KCNQ5: variants seen among roughly 807,000 people sequenced by gnomAD.
KCNQ5 encodes the protein potassium voltage-gated channel subfamily Q member 5, also known as potassium voltage-gated channel subfamily KQT member 5.
KCNQ5 carries 30 observed loss-of-function variants against 98.2 expected under a neutral mutation model. The observed-to-expected ratio is 0.31, with a 90% CI of 0.23 to 0.41. The LOEUF (loss-of-function observed/expected upper bound fraction) is 0.41. KCNQ5 is among the 10% of genes least tolerant of loss of function. The probability of loss-of-function intolerance (pLI) is 1.00; values close to 1 mark genes in which losing one functional copy is unlikely to be tolerated. For synonymous variants in KCNQ5, 458 were observed against 449.4 expected, an observed-to-expected ratio of 1.02 and a Z score of -0.24; for missense variants, 835 against 1,182.5, an observed-to-expected ratio of 0.71 and a Z score of 4.31.
At chr6:72,722,133 T>C (rs1253163228) in intron 1 of KCNQ5, among the ~76,000 whole-genome samples, 1 of 152,170 alleles carries the variant, frequency 6.6e-6, no homozygotes, top group Non-Finnish European at 1.5e-5. Context: ...GGGAAACTGA[T>C]TCTCCTTTCA....
chr6:72,652,564 A>G (rs1765930941), intron 1 of KCNQ5, among the ~76,000 whole-genome samples: 1 of 151,892 alleles, frequency 6.6e-6, no homozygotes, highest in African/African-American at 2.4e-5. Context: ...CTGGCTTTGT[A>G]CTGTTCCCTT....
intron 1 of KCNQ5, among the ~76,000 whole-genome samples, chr6:72,967,274 C>A (rs914828270): frequency 3.9e-5 from 6 of 152,096 alleles, no homozygotes; most frequent in Non-Finnish European, 8.8e-5. Context: ...CATATTCTCA[C>A]TGGGATTTCA....
chr6:72,790,758 T>G (rs1007610315), intron 1 of KCNQ5, among the ~76,000 whole-genome samples: 3 of 152,176 alleles, frequency 2.0e-5, no homozygotes, highest in Non-Finnish European at 4.4e-5. Context: ...TAAATGTTTC[T>G]ATTAGGGAAA....
At chr6:73,012,243 A>T (rs1027852476) in intron 2 of KCNQ5, among the ~76,000 whole-genome samples, 1 of 152,162 alleles carries the variant, frequency 6.6e-6, no homozygotes, top group African/African-American at 2.4e-5. Context: ...TGAACGGATA[A>T]GCAAAATATG....
At chr6:72,660,475 A>G (rs1582067784) in intron 1 of KCNQ5, among the ~76,000 whole-genome samples, 1 of 137,640 alleles carries the variant, frequency 7.3e-6, no homozygotes, top group Non-Finnish European at 1.5e-5. Flanking sequence ...CAACAATAAC[A>G]TGTGCCATAT....
intron 1 of KCNQ5, among the ~76,000 whole-genome samples, chr6:72,810,109 T>C (rs1281588264): frequency 2.0e-5 from 3 of 152,240 alleles, no homozygotes; most frequent in Non-Finnish European, 2.9e-5. Context: ...TATTAAACCA[T>C]GTTCCGGTTA....
intron 1 of KCNQ5, among the ~76,000 whole-genome samples, chr6:72,828,734 G>A (rs1190001891): frequency 6.6e-6 from 1 of 151,866 alleles, no homozygotes; most frequent in East Asian, 1.9e-4. Context: ...TTGTCAAAAT[G>A]ACTTTTTCTC....
At chr6:72,708,445 A>G (rs1443595858) in intron 1 of KCNQ5, among the ~76,000 whole-genome samples, 1 of 152,240 alleles carries the variant, frequency 6.6e-6, no homozygotes, top group Non-Finnish European at 1.5e-5. Flanking sequence ...TCTTAAAGAC[A>G]TGAAATCACT....
At chr6:73,181,567 C>T (rs754219750) in intron 11 of KCNQ5, among the ~76,000 whole-genome samples, 4 of 152,202 alleles carry the variant, frequency 2.6e-5, no homozygotes, top group Non-Finnish European at 4.4e-5. Flanking sequence ...AGACCTCTCT[C>T]AAAGAAGGAG....
At chr6:72,963,747 C>T (rs776405725) in intron 1 of KCNQ5, among the ~76,000 whole-genome samples, 5 of 152,126 alleles carry the variant, frequency 3.3e-5, no homozygotes, top group Non-Finnish European at 5.9e-5. Flanking sequence ...ACTGCAACCT[C>T]CACCTCCCAG....
chr6:72,933,698 T>C (rs184299188), intron 1 of KCNQ5, among the ~76,000 whole-genome samples: 1 of 152,308 alleles, frequency 6.6e-6, no homozygotes, highest in Admixed American at 6.5e-5. Flanking sequence ...TATAAATCAA[T>C]TGCATTTCTT....
At chr6:72,819,372 C>T (rs767338090) in intron 1 of KCNQ5, among the ~76,000 whole-genome samples, 1 of 151,846 alleles carries the variant, frequency 6.6e-6, no homozygotes, top group Non-Finnish European at 1.5e-5. Flanking sequence ...AGTCGCCCAG[C>T]AATAAAGCTA....
At chr6:73,062,313 C>T (rs1178179634) in intron 3 of KCNQ5, among the ~76,000 whole-genome samples, 1 of 152,134 alleles carries the variant, frequency 6.6e-6, no homozygotes, top group African/African-American at 2.4e-5. Flanking sequence ...TGTGGTTACT[C>T]GATTCAGCGT....
intron 1 of KCNQ5, among the ~76,000 whole-genome samples, chr6:72,907,599 G>A (rs1326106079): frequency 1.3e-5 from 2 of 152,008 alleles, no homozygotes; most frequent in African/African-American, 4.8e-5. Flanking sequence ...TTTCCTCCTA[G>A]GCTATCTCCT....
intron 3 of KCNQ5, among the ~76,000 whole-genome samples, chr6:73,063,930 A>T (rs1241968726): frequency 6.6e-6 from 1 of 152,156 alleles, no homozygotes; most frequent in Non-Finnish European, 1.5e-5. Context: ...ATCCCTAAGG[A>T]TTAGCCAAGT....
chr6:72,869,148 A>G (rs1189096399), intron 1 of KCNQ5, among the ~76,000 whole-genome samples: 1 of 152,232 alleles, frequency 6.6e-6, no homozygotes, highest in East Asian at 1.9e-4. Context: ...TTAAAAATTA[A>G]AAAGAAAGAA....
chr6:72,745,494 C>G (rs921177805), intron 1 of KCNQ5, among the ~76,000 whole-genome samples: 2 of 152,162 alleles, frequency 1.3e-5, no homozygotes. Context: ...ACTTTTCATT[C>G]TTTTTCCTAA....
intron 1 of KCNQ5, among the ~76,000 whole-genome samples, chr6:72,720,322 A>G (rs1272159916): frequency 6.6e-6 from 1 of 152,224 alleles, no homozygotes; most frequent in Non-Finnish European, 1.5e-5. Context: ...AAGACAGATG[A>G]CAAAACTCCC....
chr6:72,849,331 T>C (rs1777150821), intron 1 of KCNQ5, among the ~76,000 whole-genome samples: 1 of 152,226 alleles, frequency 6.6e-6, no homozygotes, highest in African/African-American at 2.4e-5. Context: ...GATTGAATGC[T>C]AGCTCTATTT....
Sources: gnomAD v4.1 joint callset for allele counts (sites outside exome capture counted in the v4.1 genomes callset) on GRCh38, gnomAD v4.1.1 for gene constraint, MANE v1.5 for transcripts, NCBI Gene and HGNC (gene_info 2026-07-23, HGNC 2026-07-21) for gene names.